Variants in KIF13A observed in about 807,000 individuals in gnomAD.
The protein encoded by KIF13A is kinesin-like protein KIF13A.
A neutral mutation model predicts 212.2 loss-of-function variants in KIF13A; 79 were observed. The ratio of observed to expected loss-of-function variants is 0.37; its 90% confidence interval spans 0.31 to 0.45. The LOEUF is 0.45. Among genes scored for constraint, KIF13A ranks in the 20% least tolerant of loss-of-function variants. The pLI, the probability that KIF13A is intolerant of heterozygous loss-of-function variation, is 1.00. For missense variants in KIF13A, 1,901 were observed against 2,209.0 expected (o/e 0.86, Z 2.79); for synonymous variants, 789 against 808.6 (o/e 0.98, Z 0.41).
intron 20 of KIF13A, among the ~76,000 whole-genome samples, chr6:17,804,024 C>T (rs1274326260): frequency 1.3e-5 from 2 of 152,068 alleles, no homozygotes; most frequent in Non-Finnish European, 2.9e-5. Flanking sequence ...TGGTGGTGGG[C>T]GCCTGTAGTC....
chr6:17,849,223 C>G lies in KIF13A; in HGVS notation c.830+154G>C, dbSNP rs894730150. Among the ~76,000 whole-genome samples, 2 of 152,168 alleles carry G rather than the reference C, an allele frequency of 1.3e-5. No homozygotes were observed. The highest frequency in any genetic ancestry group is 2.9e-5 in the Non-Finnish European group (2 of 68,032). ...TGGCCAAAAACCTCATACATCTTAA[C>G]AGACACAGGTTGTTGTTGTTTTTCT... On this transcript the variant is annotated intron_variant, in intron 9 of 38. Coordinates refer to ENST00000259711, the MANE Select transcript of KIF13A (RefSeq NM_022113.6). This position sits in a 1 kb window ranked among gnomAD's most constrained non-coding sequence, Gnocchi z 5.7.
At chr6:17,866,835 AT>A (rs1769434898) in intron 4 of KIF13A, among the ~76,000 whole-genome samples, 2 of 9,420 alleles carry the variant, frequency 2.1e-4, no homozygotes, top group Non-Finnish European at 5.7e-4. Flanking sequence ...GCGCATATAT[AT>A]ATATATATAT....
chr6:17,835,473 C>T (rs1765868240), intron 11 of KIF13A, among the ~76,000 whole-genome samples: 1 of 152,106 alleles, frequency 6.6e-6, no homozygotes, highest in Admixed American at 6.6e-5. Context: ...TGCTACCCTT[C>T]TTACAATCTA....
In KIF13A at chr6:17,828,137, A is replaced by G. The variant is rs984314871; in HGVS notation, c.1532+103T>C. 8 of 1,186,906 alleles carry G rather than the reference A, an allele frequency of 6.7e-6. No individual in the cohort carries two copies. The Admixed American group carries it at 1.3e-4, about 19-fold the overall frequency. 73.5% of individuals were successfully genotyped at this position (1,186,906 alleles called of 1,614,324 possible). Reference sequence around the variant, plus strand: ...AAGGGCCCCCTGAGGACCCCCATGTATCCTTAACTTTAATATAGCTGAAAG... The same window carrying G: ...AAGGGCCCCCTGAGGACCCCCATGTGTCCTTAACTTTAATATAGCTGAAAG... On this transcript the variant is annotated intron_variant, in intron 14 of 38. Transcript: ENST00000259711. This position sits in a 1 kb window ranked among gnomAD's most constrained non-coding sequence, Gnocchi z 4.3.
Position 17,915,139 on chromosome 6 carries a change from A to T in KIF13A, c.147-16959T>A, listed in dbSNP as rs952639286. Among the ~76,000 whole-genome samples, 3 of 152,190 alleles carry T rather than the reference A, an allele frequency of 2.0e-5. No homozygotes were observed. Among genetic ancestry groups the T allele is most frequent in the Non-Finnish European group, 4.4e-5 (3 of 68,036 alleles). ...GACTTTTCTACATTAGGGAGTCAGA[A>T]CCAAACTTCATGCTCCATGTAATAG... is the stretch of plus-strand genomic sequence containing the variant. On this transcript the variant is annotated intron_variant, in intron 2 of 38. Transcript: ENST00000259711. This position sits in a 1 kb window ranked among gnomAD's most constrained non-coding sequence, Gnocchi z 4.4.
chr6:17,818,200 C>T (rs1172837168), intron 16 of KIF13A, among the ~76,000 whole-genome samples: 1 of 152,168 alleles, frequency 6.6e-6, no homozygotes, highest in Non-Finnish European at 1.5e-5. Context: ...ATTCTCAGAC[C>T]AGCCTGGGAC....
rs569196409 is a variant in KIF13A at position 17,780,722 on chromosome 6, G to A, written c.3846+8C>T. 3.7e-5 allele frequency: 59 copies of A among 1,612,382 alleles called. No individual in the cohort carries two copies. The highest frequency in any genetic ancestry group is 3.2e-4 in the South Asian group (29 of 90,962). ...AGCCAGAATGGCACAATCAGGCCCCGTTATTACCTGTTTGTTGTAAATATT... is the reference window on the plus strand; with the variant it reads ...AGCCAGAATGGCACAATCAGGCCCCATTATTACCTGTTTGTTGTAAATATT... On this transcript the variant is annotated splice_region_variant and intron_variant, in intron 31 of 38. Transcript: ENST00000259711.
Position 17,825,852 on chromosome 6 carries a change from C to T in KIF13A, c.1702G>A (p.Ala568Thr), listed in dbSNP as rs967700130. Residue 568 changes from alanine (A) to threonine (T), a missense_variant, in exon 16 of 39, where the codon GCA (alanine) becomes ACA (threonine). Physicochemically the swap from Ala to Thr is moderately conservative, Grantham distance 58 (BLOSUM62 0). Transcript: ENST00000259711. This position sits in a 1 kb window ranked among gnomAD's most constrained non-coding sequence, Gnocchi z 4.5. ...GGTTCAGAGGAAGCCTCACTGGCTG[C>T]ATCCAGGTCATGCTCTGGCGGGCCC... Reference protein sequence around the residue: ...ETGPPEHDLDAASEASSEPDY... With the variant: ...ETGPPEHDLDTASEASSEPDY... 3 of 1,613,956 alleles carry T rather than the reference C, an allele frequency of 1.9e-6. No individual in the cohort carries two copies. Among genetic ancestry groups the T allele is most frequent in the Non-Finnish European group, 2.5e-6 (3 of 1,179,824 alleles).
At position 17,789,998 on chromosome 6, in the gene KIF13A, T is replaced by C; in HGVS notation, c.3223-88A>G. Reference sequence around the variant, plus strand: ...ATAATTATTTAAGCTTAACACACATTAAAATGGACAGCTTACCTAACATAA... The same window carrying C: ...ATAATTATTTAAGCTTAACACACATCAAAATGGACAGCTTACCTAACATAA... On this transcript the variant is annotated intron_variant, in intron 25 of 38. Coordinates refer to ENST00000259711, the MANE Select transcript of KIF13A (RefSeq NM_022113.6). The surrounding 1 kb of genome is among the most constrained non-coding windows in gnomAD (Gnocchi z 4.8). The C allele has an allele frequency of 1.0e-6, 1 of 992,920 alleles. No individual in the cohort carries two copies. The allele number at this position is 992,920 out of a possible 1,614,324, so 61.5% of individuals were successfully genotyped here.
chr6:17,834,174 G>T lies in KIF13A; in HGVS notation c.1156-103C>A. ...CTTAAGCAGTTATCAATAGTCTGTTGGAAAAAATTAAGTTATATGCTGTTA... is the reference window on the plus strand; with the variant it reads ...CTTAAGCAGTTATCAATAGTCTGTTTGAAAAAATTAAGTTATATGCTGTTA... On this transcript the variant is annotated intron_variant, in intron 11 of 38. Coordinates refer to ENST00000259711, the MANE Select transcript of KIF13A (RefSeq NM_022113.6). The surrounding 1 kb of genome is among the most constrained non-coding windows in gnomAD (Gnocchi z 4.0). The T allele has an allele frequency of 1.5e-6, 1 of 688,894 alleles. No individual in the cohort carries two copies. The highest frequency in any genetic ancestry group is 2.3e-6 in the Non-Finnish European group (1 of 426,836). The allele number at this position is 688,894 out of a possible 1,614,324, so 42.7% of individuals were successfully genotyped here.
At position 17,856,131 on chromosome 6, in the gene KIF13A, C is replaced by G. The variant is rs1768113305; in HGVS notation, c.221-9G>C. The G allele has an allele frequency of 1.0e-5, 16 of 1,574,376 alleles. No individual in the cohort carries two copies. Among genetic ancestry groups the G allele is most frequent in the Non-Finnish European group, 1.4e-5 (16 of 1,147,494 alleles). On this transcript the variant is annotated splice_polypyrimidine_tract_variant and intron_variant, in intron 4 of 38. Transcript: ENST00000259711. The surrounding 1 kb of genome is among the most constrained non-coding windows in gnomAD (Gnocchi z 4.5). ...GAAAACCACTTCTTGACCTAAAAAA[C>G]AAGACAAATATTAAAAACTAATAAA...
chr6:17,923,535 GT>G (rs777195596), intron 2 of KIF13A, among the ~76,000 whole-genome samples: 84 of 142,768 alleles, frequency 5.9e-4, no homozygotes, highest in Middle Eastern at 3.6e-3. Flanking sequence ...CCTGGGTTTG[GT>G]TTTTTTTTTT....
intron 4 of KIF13A, among the ~76,000 whole-genome samples, chr6:17,865,216 A>G (rs913682382): frequency 6.6e-6 from 1 of 152,206 alleles, no homozygotes; most frequent in African/African-American, 2.4e-5. Context: ...CTACATAGAA[A>G]AGCATCCAAT....
chr6:17,914,297 A>G lies in KIF13A; in HGVS notation c.147-16117T>C, dbSNP rs754783418. On this transcript the variant is annotated intron_variant, in intron 2 of 38. Transcript: ENST00000259711. The surrounding 1 kb of genome is among the most constrained non-coding windows in gnomAD (Gnocchi z 5.9). Reference sequence around the variant, plus strand: ...TAAAAAAGTGATGCTCTCTCTTCTGAAAGTCTTTAAAATATGCTGCCCAGA... The same window carrying G: ...TAAAAAAGTGATGCTCTCTCTTCTGGAAGTCTTTAAAATATGCTGCCCAGA... Among the ~76,000 whole-genome samples, 13 of 152,194 alleles carry G rather than the reference A, an allele frequency of 8.5e-5. No homozygotes were observed. Among genetic ancestry groups the G allele is most frequent in the Non-Finnish European group, 1.5e-4 (10 of 68,042 alleles).
intron 31 of KIF13A, among the ~76,000 whole-genome samples, 152 bp from the exon 32 acceptor site, chr6:17,779,836 G>A (rs1179932193): frequency 6.6e-6 from 1 of 151,478 alleles, no homozygotes; most frequent in Non-Finnish European, 1.5e-5. Context: ...GCCCCCTGGG[G>A]TTCACACCAT....
intron 2 of KIF13A, among the ~76,000 whole-genome samples, chr6:17,931,400 C>T (rs1321803339): frequency 2.0e-5 from 3 of 152,168 alleles, no homozygotes; most frequent in Middle Eastern, 3.4e-3. Context: ...ACTAATGGGG[C>T]TATTGAGTAC....
chr6:17,819,701 A>G (rs1764267587), intron 16 of KIF13A, among the ~76,000 whole-genome samples: 1 of 152,234 alleles, frequency 6.6e-6, no homozygotes, highest in Non-Finnish European at 1.5e-5. Context: ...AAGCATCAGA[A>G]CTTCTGACAA....
At chr6:17,936,367 A>G (rs529101916) in intron 2 of KIF13A, 2 of 192,532 alleles carry the variant, frequency 1.0e-5, no homozygotes. Context: ...CAGGCTGGTG[A>G]TCTGCCCACC....
At chr6:17,875,000 C>CACACACAT (rs1491258045) in intron 3 of KIF13A, among the ~76,000 whole-genome samples, 1 of 11,932 alleles carries the variant, frequency 8.4e-5, no homozygotes, top group Admixed American at 4.2e-4. Flanking sequence ...CACGCACACG[C>CACACACAT]ACGCACACAC....
Sources: gnomAD v4.1 joint callset for allele counts (sites outside exome capture counted in the v4.1 genomes callset) on GRCh38, gnomAD v4.1.1 for gene constraint, Gnocchi (gnomAD v3.1) non-coding constraint, MANE v1.5 for transcripts, NCBI Gene and HGNC (gene_info 2026-07-23, HGNC 2026-07-21) for gene names.